Variants in CCDC88A observed in about 807,000 individuals in gnomAD.
CCDC88A encodes the protein coiled-coil and HOOK domain protein 88A.
CCDC88A carries 54 observed loss-of-function variants against 234.3 expected under a neutral mutation model. That is an observed-to-expected ratio of 0.23 (90% confidence interval 0.19 to 0.29). CCDC88A has a LOEUF of 0.29. CCDC88A is among the 10% of genes least tolerant of loss of function. The probability of loss-of-function intolerance (pLI) is 1.00; values close to 1 mark genes in which losing one functional copy is unlikely to be tolerated. For synonymous variants in CCDC88A, 753 were observed against 737.8 expected, an observed-to-expected ratio of 1.02 and a Z score of -0.33; for missense variants, 1,832 against 2,123.4, an observed-to-expected ratio of 0.86 and a Z score of 2.70.
intron 6 of CCDC88A, 149 bp from the exon 7 acceptor site, chr2:55,362,597 G>T (rs899635353): frequency 5.6e-6 from 3 of 533,734 alleles, no homozygotes; most frequent in South Asian, 3.9e-5. Context: ...CATTTGAAAT[G>T]ATAAAAACAC....
At chr2:55,362,520 A>C (rs1246675321) in intron 6 of CCDC88A, 72 bp from the exon 7 acceptor site, 4 of 1,280,854 alleles carry the variant, frequency 3.1e-6, no homozygotes, top group Non-Finnish European at 4.3e-6. Context: ...ACTATAGTAC[A>C]ATATTAGCCC....
At chr2:55,304,021 T>C (rs1244481119) in intron 25 of CCDC88A, among the ~76,000 whole-genome samples, 2 of 152,186 alleles carry the variant, frequency 1.3e-5, no homozygotes, top group African/African-American at 4.8e-5. Flanking sequence ...TTAAAAACTT[T>C]AAGATTTCGA....
chr2:55,311,617 A>G (rs1156657484), intron 23 of CCDC88A, among the ~76,000 whole-genome samples: 1 of 152,240 alleles, frequency 6.6e-6, no homozygotes, highest in Non-Finnish European at 1.5e-5. Context: ...ATGAATTAGA[A>G]GCTGTCTAAT....
rs562157467 is a variant in CCDC88A, at chr2:55,302,872, T to C, written c.4471+197A>G. 6.7e-6 allele frequency: 3 copies of C among 444,960 alleles called. No homozygotes were observed. The Admixed American group carries it at 1.0e-4, about 15-fold the overall frequency. The allele number at this position is 444,960 out of a possible 1,614,324, so 27.6% of individuals were successfully genotyped here. Reference sequence around the variant, plus strand: ...ATGTATGACTAGAAATATGCACGTATATGTATCAGTGGACATATACATAAT... The same window carrying C: ...ATGTATGACTAGAAATATGCACGTACATGTATCAGTGGACATATACATAAT... On this transcript the variant is annotated intron_variant, in intron 26 of 32. Transcript: ENST00000436346.
At position 55,363,909 on chromosome 2, in the gene CCDC88A, A is replaced by T. The variant is rs1413230659; in HGVS notation, c.486+41T>A. 2.8e-6 allele frequency: 3 copies of T among 1,088,768 alleles called. No homozygotes were observed. The Admixed American group carries it at 6.1e-5, about 22-fold the overall frequency. The allele number at this position is 1,088,768 out of a possible 1,614,324, so 67.4% of individuals were successfully genotyped here. A position where few individuals can be genotyped will look rare whatever the true frequency, so the allele number is the denominator to read the frequency against. On this transcript the variant is annotated intron_variant, in intron 6 of 32. Coordinates refer to ENST00000436346, the MANE Select transcript of CCDC88A (RefSeq NM_001365480.1). ...GAGATAGACAAATAAACACACCACA[A>T]GCTTCATAAATAGCACGTAAAATTG...
At position 55,384,667 on chromosome 2, in the gene CCDC88A, A is replaced by ACATATATATGTATTTT. The variant is rs1558789478; in HGVS notation, c.273+4110_273+4111insAAAATACATATATATG. Among the ~76,000 whole-genome samples, 7 of 5,846 alleles carry ACATATATATGTATTTT rather than the reference A, an allele frequency of 1.2e-3. 3 individuals carry two copies. The highest frequency in any genetic ancestry group is 3.1e-3 in the African/African-American group (7 of 2,278). 3.8% of individuals were successfully genotyped at this position (5,846 alleles called of 152,430 possible). A position where few individuals can be genotyped will look rare whatever the true frequency, so the allele number is the denominator to read the frequency against. Reference sequence around the variant, plus strand: ...TATATATACATATATATATATATATATTTTTTAAAGACAGAGTCTCGCTCT... The same window carrying ACATATATATGTATTTT: ...TATATATACATATATATATATATATACATATATATGTATTTTTTTTTTAAAGACAGAGTCTCGCTCT... On this transcript the variant is annotated intron_variant, in intron 3 of 32. Coordinates refer to ENST00000436346, the MANE Select transcript of CCDC88A (RefSeq NM_001365480.1).
At position 55,419,231 on chromosome 2, in the gene CCDC88A, CA is replaced by C; in HGVS notation, c.-153del. 1.6e-6 allele frequency: 1 copy of C among 608,768 alleles called. No homozygotes were observed. The allele number at this position is 608,768 out of a possible 1,614,324, so 37.7% of individuals were successfully genotyped here. The stretch of plus-strand genomic sequence containing the variant: ...GGAGGAGGGGGGCACTCTCCCTCCT[CA>C]AAAAACACCCCAGAGTGAAACGAGC... On this transcript the variant is annotated 5_prime_UTR_variant, in exon 1 of 33. An upstream open reading frame in the 5' UTR gains an earlier in-frame stop. Coordinates refer to ENST00000436346, the MANE Select transcript of CCDC88A (RefSeq NM_001365480.1).
Position 55,419,088 on chromosome 2 carries a change from G to GT in CCDC88A, c.-10dup. On this transcript the variant is annotated 5_prime_UTR_variant, in exon 1 of 33. Coordinates refer to ENST00000436346, the MANE Select transcript of CCDC88A (RefSeq NM_001365480.1). Reference sequence around the variant, plus strand: ...AAAATTTCGTTCTCCATTTTACAGAGTATGTATTTGAAAAAAGGAACTACC... The same window carrying GT: ...AAAATTTCGTTCTCCATTTTACAGAGTTATGTATTTGAAAAAAGGAACTACC... 6.3e-7 allele frequency: 1 copy of GT among 1,588,126 alleles called. No individual in the cohort carries two copies.
At chr2:55,299,316 A>G (rs1022826620) in intron 29 of CCDC88A, among the ~76,000 whole-genome samples, 40 of 151,674 alleles carry the variant, frequency 2.6e-4, no homozygotes, top group African/African-American at 9.4e-4. Context: ...TGGAATGCAC[A>G]TTTAAAAATT....
At chr2:55,375,451 A>G (rs1446281664) in intron 3 of CCDC88A, among the ~76,000 whole-genome samples, 1 of 145,878 alleles carries the variant, frequency 6.9e-6, no homozygotes, top group Non-Finnish European at 1.5e-5. Flanking sequence ...CATCAAATTT[A>G]TAAGTACTGT....
At chr2:55,297,180 AAAAT>A (rs1680142560) in intron 29 of CCDC88A, 1 of 144,796 alleles carries the variant, frequency 6.9e-6, no homozygotes, top group Non-Finnish European at 1.5e-5. Flanking sequence ...CTCAACAATA[AAAAT>A]AAATAAAATA....
chr2:55,317,870 T>A lies in CCDC88A; in HGVS notation c.3325-29A>T. ...TAAGAATATATATTGTTATCAGACA[T>A]AAGAAAAACAGTTCATGTTCTTTTT... On this transcript the variant is annotated intron_variant, in intron 19 of 32. Transcript: ENST00000436346. The surrounding 1 kb of genome is among the most constrained non-coding windows in gnomAD (Gnocchi z 4.2). The A allele has an allele frequency of 7.0e-7, 1 of 1,429,544 alleles. No individual in the cohort carries two copies. Among genetic ancestry groups the A allele is most frequent in the African/African-American group, 1.4e-5 (1 of 70,316 alleles). The allele number at this position is 1,429,544 out of a possible 1,614,324, so 88.6% of individuals were successfully genotyped here.
Position 55,296,450 on chromosome 2 carries a change from C to T in CCDC88A, c.4899G>A (p.Glu1633=), listed in dbSNP as rs1472005138. The T allele has an allele frequency of 1.2e-6, 2 of 1,614,136 alleles. No individual in the cohort carries two copies. The highest frequency in any genetic ancestry group is 1.7e-5 in the Admixed American group (1 of 60,024). ...SGEFSLLHDH[E]AWSSSGSSPI... ...GACTGCTACCACTGCTGGACCAAGCCTCATGGTCATGAAGCAGGCTAAATT... is the reference window on the plus strand; with the variant it reads ...GACTGCTACCACTGCTGGACCAAGCTTCATGGTCATGAAGCAGGCTAAATT... The change falls in exon 30 of 33, where the codon GAG becomes GAA. Residue 1633 remains glutamate (E), a synonymous_variant. Transcript: ENST00000436346.
intron 2 of CCDC88A, among the ~76,000 whole-genome samples, chr2:55,399,478 G>T (rs1446420166): frequency 6.8e-6 from 1 of 146,648 alleles, no homozygotes. Context: ...AGTGAGCCGA[G>T]ATTGCGCCAC....
intron 8 of CCDC88A, among the ~76,000 whole-genome samples, chr2:55,351,985 T>C (rs1669946804): frequency 6.6e-6 from 1 of 152,166 alleles, no homozygotes; most frequent in African/African-American, 2.4e-5. Flanking sequence ...GCACGTATTG[T>C]ATGATTCCAT....
intron 7 of CCDC88A, among the ~76,000 whole-genome samples, chr2:55,358,369 C>T (rs747383295): frequency 5.9e-5 from 9 of 152,156 alleles, no homozygotes; most frequent in Non-Finnish European, 1.3e-4. Context: ...GGTCCACCAT[C>T]AGTTTTCTCT....
intron 9 of CCDC88A, 67 bp downstream of exon 9, chr2:55,349,451 T>C: frequency 2.6e-6 from 3 of 1,151,014 alleles, no homozygotes; most frequent in Non-Finnish European, 3.9e-6. Flanking sequence ...AGGTTATAAA[T>C]TACAAGGAAG....
chr2:55,400,592 G>A (rs753464379), intron 2 of CCDC88A, among the ~76,000 whole-genome samples: 15 of 152,230 alleles, frequency 9.9e-5, no homozygotes, highest in African/African-American at 3.1e-4. Context: ...TTGTAAATCA[G>A]GAAAAAAGAT....
intron 13 of CCDC88A, 155 bp downstream of exon 13, chr2:55,339,309 G>T (rs907667029): frequency 8.3e-6 from 6 of 727,272 alleles, no homozygotes; most frequent in Non-Finnish European, 1.3e-5. Flanking sequence ...TGAGTATAGG[G>T]TTCATTCACA....
Sources: gnomAD v4.1 joint callset for allele counts (sites outside exome capture counted in the v4.1 genomes callset) on GRCh38, gnomAD v4.1.1 for gene constraint, Gnocchi (gnomAD v3.1) non-coding constraint, MANE v1.5 for transcripts, NCBI Gene and HGNC (gene_info 2026-07-23, HGNC 2026-07-21) for gene names.